Variants in IGSF10 observed in about 807,000 individuals in gnomAD.
The protein encoded by IGSF10 is immunoglobulin superfamily member 10.
IGSF10 carries 126 observed loss-of-function variants against 128.2 expected under a neutral mutation model. The ratio of observed to expected loss-of-function variants is 0.98; its 90% CI spans 0.85 to 1.14. IGSF10 has a LOEUF of 1.14. Among genes scored for constraint, IGSF10 ranks in the 50% most tolerant of loss-of-function variants. The pLI is 0.00. For missense variants in IGSF10, 3,295 were observed against 3,149.8 expected, an observed-to-expected ratio of 1.05 and a Z score of -1.10; for synonymous variants, 1,185 against 1,146.2, an observed-to-expected ratio of 1.03 and a Z score of -0.68.
At chr3:151,441,965 G>A (rs149848157) in intron 7 of IGSF10, among the ~76,000 whole-genome samples, 1,957 of 152,338 alleles carry the variant, frequency 0.013, 21 homozygotes, top group Non-Finnish European at 0.021. Context: ...GGAGGCTGAG[G>A]TAGGAGAATG....
the IGSF10 span, among the ~76,000 whole-genome samples, chr3:151,540,717 T>TC: frequency 2.6e-5 from 4 of 152,206 alleles, no homozygotes; most frequent in East Asian, 7.7e-4. Context: ...TTAGCAGTTT[T>TC]CCAAAGTGTT....
At chr3:151,439,086 T>TA (rs1720671086) in intron 7 of IGSF10, among the ~76,000 whole-genome samples, 1 of 152,170 alleles carries the variant, frequency 6.6e-6, no homozygotes, top group South Asian at 2.1e-4. Flanking sequence ...GAATCTCCGT[T>TA]ACATAGTAAT....
chr3:151,584,924 ACTGT>A, the IGSF10 span, among the ~76,000 whole-genome samples: 7 of 152,344 alleles, frequency 4.6e-5, no homozygotes, highest in Non-Finnish European at 1.0e-4. Context: ...AGGGCAGGGC[ACTGT>A]CTGTGTTCAT....
chr3:151,610,285 T>C, the IGSF10 span, among the ~76,000 whole-genome samples: 5 of 152,200 alleles, frequency 3.3e-5, no homozygotes, highest in Non-Finnish European at 7.4e-5. Context: ...CAAATATTGA[T>C]AGAACATTTC....
In IGSF10 at chr3:151,449,184, C is replaced by G; in HGVS notation, c.797G>C (p.Gly266Ala). 6.2e-7 allele frequency: 1 copy of G among 1,614,114 alleles called. No individual in the cohort carries two copies. The highest frequency in any genetic ancestry group is 8.5e-7 in the Non-Finnish European group (1 of 1,180,026). The change falls in exon 6 of 8, where the codon GGC becomes GCC. Residue 266 changes from glycine (G) to alanine (A), a missense_variant. Gly to Ala is a moderately conservative substitution (Grantham distance 60). Coordinates refer to ENST00000282466, the MANE Select transcript of IGSF10 (RefSeq NM_178822.5). The part of the protein sequence containing the change: ...PLCMNPRTSK[G>A]KPLAMVSAAA... ...AGCTGAGACCATAGCTAACGGCTTGCCTTTAGAAGTCCTAGGGTTCATGCA... is the reference window on the plus strand; with the variant it reads ...AGCTGAGACCATAGCTAACGGCTTGGCTTTAGAAGTCCTAGGGTTCATGCA...
At position 151,446,139 on chromosome 3, in the gene IGSF10, C is replaced by T; in HGVS notation, c.3842G>A (p.Gly1281Glu). 6.2e-7 allele frequency: 1 copy of T among 1,614,048 alleles called. No individual in the cohort carries two copies. Residue 1281 changes from glycine to glutamate, a missense_variant, in exon 6 of 8, where the codon GGA (glycine) becomes GAA (glutamate). Gly to Glu is a moderately conservative substitution (Grantham distance 98, BLOSUM62 -2). Coordinates refer to ENST00000282466, the MANE Select transcript of IGSF10 (RefSeq NM_178822.5). ...HHTTTKTHNP[G>E]SLPTKKELPF... ...AAGCTCCTTCTTTGTTGGAAGACTT[C>T]CAGGATTGTGTGTTTTGGTCGTAGT... is the stretch of plus-strand genomic sequence containing the variant.
chr3:151,589,852 C>A, the IGSF10 span, among the ~76,000 whole-genome samples: 1 of 152,050 alleles, frequency 6.6e-6, no homozygotes, highest in Admixed American at 6.6e-5. Flanking sequence ...GAAAGGTTTT[C>A]TTTTTCAGTC....
At chr3:151,576,270 GT>G in the IGSF10 span, among the ~76,000 whole-genome samples, 3 of 151,638 alleles carry the variant, frequency 2.0e-5, no homozygotes, top group Non-Finnish European at 4.4e-5. Flanking sequence ...CAAAATATCC[GT>G]TTTTTGGTCT....
At chr3:151,490,558 C>T in the IGSF10 span, among the ~76,000 whole-genome samples, 1 of 151,600 alleles carries the variant, frequency 6.6e-6, no homozygotes, top group South Asian at 2.1e-4. Context: ...ACTTTCCACC[C>T]AACAGCAGAA....
the IGSF10 span, among the ~76,000 whole-genome samples, chr3:151,563,886 A>T: frequency 6.6e-6 from 1 of 152,190 alleles, no homozygotes. Context: ...CTATGAGGTA[A>T]GTGCTGTTCT....
chr3:151,473,542 T>C, the IGSF10 span, among the ~76,000 whole-genome samples: 1 of 152,220 alleles, frequency 6.6e-6, no homozygotes, highest in South Asian at 2.1e-4. Context: ...AAGTAATTGC[T>C]TGTATAATGT....
the IGSF10 span, among the ~76,000 whole-genome samples, chr3:151,485,112 C>T: frequency 3.9e-5 from 6 of 152,036 alleles, no homozygotes; most frequent in Non-Finnish European, 5.9e-5. Flanking sequence ...CATAAATGAC[C>T]TGATGGAGCT....
In IGSF10 at chr3:151,448,048, A is replaced by G; in HGVS notation, c.1933T>C (p.Cys645Arg). ...ACCCCTGATGGGTTGGCTGCCACACAGCGATAATAACCTTGGTCTTTCGGG... is the reference window on the plus strand; with the variant it reads ...ACCCCTGATGGGTTGGCTGCCACACGGCGATAATAACCTTGGTCTTTCGGG... Reference protein sequence around the residue: ...VTPKDQGYYRCVAANPSGVDF... With the variant: ...VTPKDQGYYRRVAANPSGVDF... Residue 645 changes from cysteine to arginine, a missense_variant, in exon 6 of 8, where the codon TGT becomes CGT. Coordinates refer to ENST00000282466, the MANE Select transcript of IGSF10 (RefSeq NM_178822.5). The G allele has an allele frequency of 6.2e-7, 1 of 1,614,210 alleles. No homozygotes were observed. Among genetic ancestry groups the G allele is most frequent in the Non-Finnish European group, 8.5e-7 (1 of 1,180,040 alleles).
the IGSF10 span, among the ~76,000 whole-genome samples, chr3:151,514,120 A>G: frequency 2.5e-4 from 38 of 151,956 alleles, no homozygotes; most frequent in African/African-American, 8.5e-4. Flanking sequence ...GGAAAAAAAT[A>G]CTTTAAAGTT....
chr3:151,436,557 A>G lies in IGSF10; in HGVS notation c.*132T>C. ...AATGCATTTATTTACAAGTCCTTTT[A>G]TTTTGCATGTTCATTGTAAATTTAA... On this transcript the variant is annotated 3_prime_UTR_variant, in exon 8 of 8. Transcript: ENST00000282466. 1.6e-6 allele frequency: 1 copy of G among 630,700 alleles called. No individual in the cohort carries two copies. The highest frequency in any genetic ancestry group is 2.7e-6 in the Non-Finnish European group (1 of 371,162). 39.1% of individuals were successfully genotyped at this position (630,700 alleles called of 1,614,324 possible).
At chr3:151,496,422 C>CCCA in the IGSF10 span, among the ~76,000 whole-genome samples, 1 of 143,030 alleles carries the variant, frequency 7.0e-6, no homozygotes, top group Non-Finnish European at 1.5e-5. Flanking sequence ...TTGTTCAATT[C>CCCA]CCTATGAGTG....
chr3:151,447,005 A>C lies in IGSF10; in HGVS notation c.2976T>G (p.Ser992=). The C allele has an allele frequency of 6.2e-7, 1 of 1,614,196 alleles. No individual in the cohort carries two copies. The highest frequency in any genetic ancestry group is 8.5e-7 in the Non-Finnish European group (1 of 1,180,024). Residue 992 remains serine (S), a synonymous_variant, in exon 6 of 8, where the codon TCT becomes TCG. Coordinates refer to ENST00000282466, the MANE Select transcript of IGSF10 (RefSeq NM_178822.5). ...TACTATTTCTAGGGATCGGAAACTG[A>C]GAATGAGCAGCTGTGTGTGGATCTG... ...FPSDPHTAAH[S]QFPIPRNSTV...
the IGSF10 span, among the ~76,000 whole-genome samples, chr3:151,543,593 A>G: frequency 6.6e-6 from 1 of 152,170 alleles, no homozygotes; most frequent in African/African-American, 2.4e-5. Context: ...TCTGGGTACC[A>G]ATGCCTGAAC....
At chr3:151,604,430 T>C in the IGSF10 span, among the ~76,000 whole-genome samples, 4 of 152,152 alleles carry the variant, frequency 2.6e-5, no homozygotes, top group African/African-American at 9.6e-5. Context: ...TTTAAGACAG[T>C]TTAAAAATAA....
Sources: allele counts gnomAD v4.1 joint callset (sites outside exome capture counted in the v4.1 genomes callset), GRCh38; gene constraint gnomAD v4.1.1; transcripts MANE v1.5; gene names NCBI Gene and HGNC (gene_info 2026-07-23, HGNC 2026-07-21).